KPNA3: variants seen among roughly 807,000 people sequenced by gnomAD.
KPNA3 encodes karyopherin subunit alpha 3.
KPNA3 carries 13 observed loss-of-function variants against 73.8 expected under a neutral mutation model. The observed-to-expected ratio is 0.18, with a 90% CI of 0.11 to 0.28. KPNA3 has a LOEUF of 0.28. KPNA3 is among the 10% of genes least tolerant of loss of function. The pLI is 1.00. For synonymous variants in KPNA3, 186 were observed against 206.9 expected (o/e 0.90, Z 0.87); for missense variants, 360 against 618.1 (o/e 0.58, Z 4.43).
At chr13:49,769,443 G>A (rs1328439901) in intron 1 of KPNA3, among the ~76,000 whole-genome samples, 1 of 152,100 alleles carries the variant, frequency 6.6e-6, no homozygotes, top group Non-Finnish European at 1.5e-5. Flanking sequence ...TGTTCCCCAT[G>A]CTCCTTCCCA....
At chr13:49,766,947 G>T in intron 1 of KPNA3, among the ~76,000 whole-genome samples, 1 of 140,836 alleles carries the variant, frequency 7.1e-6, no homozygotes, top group African/African-American at 2.6e-5. Context: ...TAACTGAAAT[G>T]GGATTCCTTT....
At chr13:49,723,302 T>C (rs979468314) in intron 7 of KPNA3, among the ~76,000 whole-genome samples, 1 of 152,214 alleles carries the variant, frequency 6.6e-6, no homozygotes, top group Non-Finnish European at 1.5e-5. Flanking sequence ...CTGGGTATGA[T>C]GGCTCATGCC....
chr13:49,753,365 T>C (rs1296650165), intron 1 of KPNA3, among the ~76,000 whole-genome samples: 2 of 152,200 alleles, frequency 1.3e-5, no homozygotes, highest in African/African-American at 2.4e-5. Context: ...TCAAGGACTT[T>C]ATATCCAGTC....
intron 1 of KPNA3, among the ~76,000 whole-genome samples, chr13:49,766,483 T>C (rs1332833521): frequency 6.6e-6 from 1 of 152,242 alleles, no homozygotes; most frequent in Non-Finnish European, 1.5e-5. Context: ...TTTTGGATTA[T>C]GAACCTGTTC....
At chr13:49,749,313 A>G (rs554842013) in intron 1 of KPNA3, among the ~76,000 whole-genome samples, 1 of 152,370 alleles carries the variant, frequency 6.6e-6, no homozygotes, top group Admixed American at 6.5e-5. Flanking sequence ...GAATATGAAC[A>G]TCTCAATTTA....
At chr13:49,704,774 A>G (rs909608380) in intron 15 of KPNA3, among the ~76,000 whole-genome samples, 4 of 152,210 alleles carry the variant, frequency 2.6e-5, no homozygotes, top group African/African-American at 9.6e-5. Context: ...TAACTGCCAC[A>G]GTAATAACTT....
chr13:49,728,794 T>C (rs752177794), intron 6 of KPNA3, among the ~76,000 whole-genome samples: 11 of 152,238 alleles, frequency 7.2e-5, no homozygotes, highest in Non-Finnish European at 1.0e-4. Context: ...GAGAGAGCTT[T>C]ACCAGAGAGT....
At chr13:49,747,734 T>A (rs891520790) in intron 1 of KPNA3, among the ~76,000 whole-genome samples, 1 of 152,172 alleles carries the variant, frequency 6.6e-6, no homozygotes, top group African/African-American at 2.4e-5. Flanking sequence ...GACTGATACA[T>A]CTTATACTTT....
intron 1 of KPNA3, among the ~76,000 whole-genome samples, chr13:49,758,812 T>C (rs781748816): frequency 6.6e-6 from 1 of 152,188 alleles, no homozygotes. Flanking sequence ...TTTAATCCTA[T>C]ATCTATCCAC....
chr13:49,757,790 A>G (rs765585102), intron 1 of KPNA3, among the ~76,000 whole-genome samples: 2 of 152,212 alleles, frequency 1.3e-5, no homozygotes, highest in Non-Finnish European at 2.9e-5. Context: ...CTTCACGCTT[A>G]AACTGTGGTA....
At chr13:49,728,705 A>T (rs1361730446) in intron 6 of KPNA3, among the ~76,000 whole-genome samples, 1 of 152,214 alleles carries the variant, frequency 6.6e-6, no homozygotes, top group Non-Finnish European at 1.5e-5. Context: ...GACCTTCTAG[A>T]GGGCCAAAGA....
At chr13:49,709,816 C>T in intron 11 of KPNA3, 116 bp from the exon 12 acceptor site, 1 of 837,866 alleles carries the variant, frequency 1.2e-6, no homozygotes, top group Non-Finnish European at 1.7e-6. Flanking sequence ...CTTATTTCAT[C>T]CTTTCACAAA....
intron 6 of KPNA3, among the ~76,000 whole-genome samples, chr13:49,730,768 CCT>C (rs1237392206): frequency 3.1e-5 from 3 of 98,142 alleles, no homozygotes; most frequent in Admixed American, 2.3e-4. Flanking sequence ...ATCCCTCCCC[CCT>C]CCCCCCTATT....
intron 2 of KPNA3, among the ~76,000 whole-genome samples, chr13:49,738,560 A>T (rs1017901923): frequency 1.3e-5 from 2 of 152,110 alleles, no homozygotes; most frequent in African/African-American, 4.8e-5. Flanking sequence ...CACTGTATAA[A>T]TCCTGTACAT....
At chr13:49,784,220 T>G (rs1954963914) in intron 1 of KPNA3, among the ~76,000 whole-genome samples, 1 of 151,990 alleles carries the variant, frequency 6.6e-6, no homozygotes, top group African/African-American at 2.4e-5. Context: ...AGATTCTGTC[T>G]CAAAAATAAT....
chr13:49,777,417 C>A (rs1464796326), intron 1 of KPNA3, among the ~76,000 whole-genome samples: 1 of 152,156 alleles, frequency 6.6e-6, no homozygotes, highest in African/African-American at 2.4e-5. Flanking sequence ...ATAACCTATG[C>A]ACTCCTCCCA....
In KPNA3 at chr13:49,762,674, G is replaced by C. The variant is rs201085505; in HGVS notation, c.70-15681C>G. 4.6e-5 allele frequency among the ~76,000 whole-genome samples: 7 copies of C among 151,910 alleles called. No homozygotes were observed. In the East Asian group the frequency reaches 1.2e-3, roughly 25 times the overall value. On this transcript the variant is annotated intron_variant, in intron 1 of 16. Coordinates refer to ENST00000261667, the MANE Select transcript of KPNA3 (RefSeq NM_002267.4). ...ACAGATGCTTGAAGGCTGCATGCTC[G>C]TTAAGAGTCATCACCACTCCCTAAT...
At chr13:49,735,282 C>G (rs1377003466) in intron 2 of KPNA3, among the ~76,000 whole-genome samples, 1 of 152,062 alleles carries the variant, frequency 6.6e-6, no homozygotes, top group African/African-American at 2.4e-5. Flanking sequence ...GCCTCCATAC[C>G]CGGCTAATTT....
intron 1 of KPNA3, among the ~76,000 whole-genome samples, chr13:49,757,231 G>A (rs997598354): frequency 6.7e-6 from 1 of 149,296 alleles, no homozygotes; most frequent in Admixed American, 6.7e-5. Flanking sequence ...GAACACCCAT[G>A]TAAAGAAGAT....
Sources: gnomAD v4.1 joint callset for allele counts (sites outside exome capture counted in the v4.1 genomes callset) on GRCh38, gnomAD v4.1.1 for gene constraint, MANE v1.5 for transcripts, NCBI Gene and HGNC (gene_info 2026-07-23, HGNC 2026-07-21) for gene names.